The following NAP1L4 variants were observed in gnomAD, a reference collection of about 807,000 sequenced individuals.
The protein encoded by NAP1L4 is nucleosome assembly protein 1 like 4.
A neutral mutation model predicts 58.2 loss-of-function variants in NAP1L4; 15 were observed. The ratio of observed to expected loss-of-function variants is 0.26; its 90% CI spans 0.17 to 0.40. The LOEUF is 0.40. Among genes scored for constraint, NAP1L4 ranks in the 10% least tolerant of loss-of-function variants. The probability of loss-of-function intolerance (pLI) is 1.00; values close to 1 mark genes in which losing one functional copy is unlikely to be tolerated. For synonymous variants in NAP1L4, 171 were observed against 155.6 expected (o/e 1.10, Z -0.74); for missense variants, 384 against 451.1 (o/e 0.85, Z 1.35).
chr11:2,979,048 A>C (rs1848144225), intron 2 of NAP1L4, among the ~76,000 whole-genome samples, 159 bp downstream of exon 2: 1 of 152,232 alleles, frequency 6.6e-6, no homozygotes, highest in Admixed American at 6.5e-5. Flanking sequence ...TGTCGGAAGT[A>C]ATTTCTTTAC....
chr11:2,962,015 G>A (rs1564978816), intron 8 of NAP1L4, among the ~76,000 whole-genome samples: 1 of 152,210 alleles, frequency 6.6e-6, no homozygotes, highest in Non-Finnish European at 1.5e-5. Context: ...AGCCAGGTAA[G>A]CCATAAATAT....
Position 2,945,207 on chromosome 11 carries a change from A to C in NAP1L4, c.*472T>G. 3.4e-5 allele frequency: 6 copies of C among 176,438 alleles called. No homozygotes were observed. Among genetic ancestry groups the C allele is most frequent in the Non-Finnish European group, 7.1e-5 (6 of 84,108 alleles). 10.9% of individuals were successfully genotyped at this position (176,438 alleles called of 1,614,324 possible). ...AGTGGGTTTCTTCGGATGAAAGGGAAGAATTCAGTCCAACTGCAGGAGGGG... is the reference window on the plus strand; with the variant it reads ...AGTGGGTTTCTTCGGATGAAAGGGACGAATTCAGTCCAACTGCAGGAGGGG... On this transcript the variant is annotated 3_prime_UTR_variant, in exon 16 of 16. Transcript: ENST00000380542.
In NAP1L4 at chr11:2,971,018, C is replaced by G. The variant is rs749162032; in HGVS notation, c.402+430G>C. On this transcript the variant is annotated intron_variant, in intron 6 of 15. Transcript: ENST00000380542. The surrounding 1 kb of genome is among the most constrained non-coding windows in gnomAD (Gnocchi z 4.2). ...AGGCTGTGAGCAGGTGACTGATGGCCACACCACAACCACCATCTGCAACCA... is the reference window on the plus strand; with the variant it reads ...AGGCTGTGAGCAGGTGACTGATGGCGACACCACAACCACCATCTGCAACCA... Among the ~76,000 whole-genome samples, 1 of 152,146 alleles carries G rather than the reference C, an allele frequency of 6.6e-6. No homozygotes were observed. Among genetic ancestry groups the G allele is most frequent in the Non-Finnish European group, 1.5e-5 (1 of 68,038 alleles).
At chr11:2,977,108 G>A (rs563709860) in intron 3 of NAP1L4, among the ~76,000 whole-genome samples, 7 of 152,272 alleles carry the variant, frequency 4.6e-5, no homozygotes, top group East Asian at 1.9e-4. Context: ...TTTAAGGTAC[G>A]TAATTTGTAT....
rs1471780453 is a variant in NAP1L4 at position 2,948,359 on chromosome 11, C to T, written c.*32+868G>A. 2.0e-5 allele frequency among the ~76,000 whole-genome samples: 3 copies of T among 152,142 alleles called. No homozygotes were observed. Among genetic ancestry groups the T allele is most frequent in the Admixed American group, 6.5e-5 (1 of 15,286 alleles). On this transcript the variant is annotated intron_variant, in intron 15 of 15. Transcript: ENST00000380542. This position sits in a 1 kb window ranked among gnomAD's most constrained non-coding sequence, Gnocchi z 5.1. ...TGTTCTGTGACGAGACCCTTAAAAA[C>T]GGAGTGCCTACTTATCCTGGCATGC...
chr11:2,962,022 A>G (rs1846952553), intron 8 of NAP1L4, among the ~76,000 whole-genome samples: 1 of 152,240 alleles, frequency 6.6e-6, no homozygotes, highest in African/African-American at 2.4e-5. Flanking sequence ...TAAGCCATAA[A>G]TATGCTAACC....
chr11:2,970,839 T>G (rs1044853023), intron 6 of NAP1L4, among the ~76,000 whole-genome samples: 5 of 102,494 alleles, frequency 4.9e-5, no homozygotes, highest in African/African-American at 2.4e-4. Context: ...ACCAAAATCA[T>G]CATATACCAC....
chr11:2,972,013 G>T (rs1176913346), intron 5 of NAP1L4, 89 bp downstream of exon 5: 10 of 1,334,522 alleles, frequency 7.5e-6, no homozygotes, highest in Non-Finnish European at 9.0e-6. Context: ...TCTTACCCTA[G>T]ATGTTGTCAA....
At chr11:2,967,718 T>C (rs554284676) in intron 7 of NAP1L4, among the ~76,000 whole-genome samples, 51 of 152,290 alleles carry the variant, frequency 3.3e-4, no homozygotes, top group African/African-American at 1.2e-3. Flanking sequence ...CCTCATTCTC[T>C]GCATATTAAA....
In NAP1L4 at chr11:2,945,594, C is replaced by G. The variant is rs1439952923; in HGVS notation, c.*85G>C. 6.5e-7 allele frequency: 1 copy of G among 1,535,934 alleles called. No individual in the cohort carries two copies. Among genetic ancestry groups the G allele is most frequent in the Non-Finnish European group, 8.7e-7 (1 of 1,146,774 alleles). On this transcript the variant is annotated 3_prime_UTR_variant, in exon 16 of 16. Coordinates refer to ENST00000380542, the MANE Select transcript of NAP1L4 (RefSeq NM_005969.4). Reference sequence around the variant, plus strand: ...GTCCCGACAGCCGGTCTGCCAGGCACCCGCCTCCGCTTCCTACTGCTGCTT... The same window carrying G: ...GTCCCGACAGCCGGTCTGCCAGGCAGCCGCCTCCGCTTCCTACTGCTGCTT...
rs571156411 is a variant in NAP1L4, at chr11:2,965,732, G to A, written c.535-981C>T. Among the ~76,000 whole-genome samples the A allele has an allele frequency of 5.5e-3, 842 of 152,188 alleles. 3 individuals carry two copies. The highest frequency in any genetic ancestry group is 9.6e-3 in the Non-Finnish European group (654 of 67,996). ...TTTTTAGTAGAGACGGGGTTTCACC[G>A]TGTTAGCCAGGATGGTCTCGATCTC... On this transcript the variant is annotated intron_variant, in intron 7 of 15. Transcript: ENST00000380542.
Position 2,951,018 on chromosome 11 carries a change from T to TTAC in NAP1L4, c.1122+240_1122+241insGTA. 1 of 450,862 alleles carries TTAC rather than the reference T, an allele frequency of 2.2e-6. No individual in the cohort carries two copies. The highest frequency in any genetic ancestry group is 3.9e-6 in the Non-Finnish European group (1 of 255,814). 27.9% of individuals were successfully genotyped at this position (450,862 alleles called of 1,614,324 possible). On this transcript the variant is annotated intron_variant, in intron 14 of 15. Transcript: ENST00000380542. The surrounding 1 kb of genome is among the most constrained non-coding windows in gnomAD (Gnocchi z 4.0). ...AGTCAAGTTGCTCTACTGAGGAGTC[T>TTAC]ATGTAAATAAGACACAGCTTGAGAC...
At chr11:2,981,425 A>C (rs1411792534) in intron 1 of NAP1L4, among the ~76,000 whole-genome samples, 8 of 113,848 alleles carry the variant, frequency 7.0e-5, no homozygotes, top group African/African-American at 3.3e-4. Flanking sequence ...TCTCAAAAAA[A>C]AAAAAAAAAA....
chr11:2,967,568 G>A (rs1416658100), intron 7 of NAP1L4, among the ~76,000 whole-genome samples: 7 of 146,734 alleles, frequency 4.8e-5, no homozygotes, highest in East Asian at 2.0e-4. Flanking sequence ...CCAAGATCAC[G>A]CCACTGCACT....
At chr11:2,961,930 G>A (rs1846945511) in intron 8 of NAP1L4, among the ~76,000 whole-genome samples, 1 of 152,162 alleles carries the variant, frequency 6.6e-6, no homozygotes, top group Non-Finnish European at 1.5e-5. Flanking sequence ...AACTGAAGAT[G>A]ATTCAAGAAA....
At chr11:2,977,245 C>A (rs1848020697) in intron 3 of NAP1L4, among the ~76,000 whole-genome samples, 1 of 152,212 alleles carries the variant, frequency 6.6e-6, no homozygotes, top group Non-Finnish European at 1.5e-5. Context: ...ACGTGCCTGA[C>A]AGATTGCTTC....
At chr11:2,984,971 G>T (rs754347987) in intron 1 of NAP1L4, among the ~76,000 whole-genome samples, 1 of 151,076 alleles carries the variant, frequency 6.6e-6, no homozygotes, top group Non-Finnish European at 1.5e-5. Context: ...TAGAATATTT[G>T]TATAAACATG....
At chr11:2,967,476 T>C (rs923698830) in intron 7 of NAP1L4, among the ~76,000 whole-genome samples, 23 of 152,016 alleles carry the variant, frequency 1.5e-4, no homozygotes, top group Admixed American at 9.8e-4. Flanking sequence ...CCAGGCGTGG[T>C]GGCGGATGCC....
In NAP1L4 at chr11:2,964,595, G is replaced by T. The variant is rs547037761; in HGVS notation, c.606+85C>A. 1.0e-4 allele frequency: 120 copies of T among 1,146,964 alleles called. 2 individuals are homozygous for T. In the South Asian group the frequency reaches 1.2e-3, roughly 12 times the overall value. The allele number at this position is 1,146,964 out of a possible 1,614,324, so 71.0% of individuals were successfully genotyped here. A position where few individuals can be genotyped will look rare whatever the true frequency, so the allele number is the denominator to read the frequency against. On this transcript the variant is annotated intron_variant, in intron 8 of 15. Coordinates refer to ENST00000380542, the MANE Select transcript of NAP1L4 (RefSeq NM_005969.4). ...TGAGTGGCTGGGTGTGGGTTTTGTG[G>T]GTTTCTTGCCCCTGGCTCCAAGTTC...
Sources: gnomAD v4.1 joint callset for allele counts (sites outside exome capture counted in the v4.1 genomes callset) on GRCh38, gnomAD v4.1.1 for gene constraint, Gnocchi (gnomAD v3.1) non-coding constraint, MANE v1.5 for transcripts, NCBI Gene and HGNC (gene_info 2026-07-23, HGNC 2026-07-21) for gene names.